ZNF22: variants seen among roughly 807,000 people sequenced by gnomAD.
The protein encoded by ZNF22 is zinc finger protein 22, also known as krox-26 protein.
Under a neutral mutation model 17.0 loss-of-function variants are expected in ZNF22, and 15 were observed. The ratio of observed to expected loss-of-function variants is 0.88; its 90% CI spans 0.59 to 1.36. ZNF22 has a LOEUF of 1.36. Among genes scored for constraint, ZNF22 ranks in the 40% most tolerant of loss-of-function variants. ZNF22 has a pLI of 0.00. For synonymous variants in ZNF22, 84 were observed against 90.7 expected, an observed-to-expected ratio of 0.93 and a Z score of 0.42; for missense variants, 272 against 276.1, an observed-to-expected ratio of 0.98 and a Z score of 0.11.
At chr10:45,003,234 A>C in intron 1 of ZNF22, 46 bp from the exon 2 acceptor site, 1 of 729,106 alleles carries the variant, frequency 1.4e-6, no homozygotes, top group Non-Finnish European at 2.1e-6. Flanking sequence ...GATATCTGTA[A>C]TTTTTTTTCT....
At position 45,003,150 on chromosome 10, in the gene ZNF22, A is replaced by G. The variant is rs189933160; in HGVS notation, c.-89-130A>G. On this transcript the variant is annotated intron_variant, in intron 1 of 1. Transcript: ENST00000298299. ...TTCCCCCCATATTATCTTTGTTTGC[A>G]TTTATACTTTTTAAATTTAAACATG... The G allele has an allele frequency of 3.3e-3, 1,358 of 415,374 alleles. 14 individuals carry two copies. The highest frequency in any genetic ancestry group is 0.023 in the African/African-American group (1,122 of 48,674). The allele number at this position is 415,374 out of a possible 1,614,324, so 25.7% of individuals were successfully genotyped here. A position where few individuals can be genotyped will look rare whatever the true frequency, so the allele number is the denominator to read the frequency against.
intron 1 of ZNF22, chr10:45,002,082 A>G (rs1842338427): frequency 6.6e-6 from 1 of 152,222 alleles, no homozygotes; most frequent in Non-Finnish European, 1.5e-5. Context: ...CTGGACCTAA[A>G]GTCTCAATTA....
Position 45,004,260 on chromosome 10 carries a change from A to G in ZNF22, c.*217A>G, listed in dbSNP as rs185346596. ...CTCATTTCTTTTTTATGTGACATGG[A>G]GCACAAAGAACTGAAAATATGTTTT... On this transcript the variant is annotated 3_prime_UTR_variant, in exon 2 of 2. Coordinates refer to ENST00000298299, the MANE Select transcript of ZNF22 (RefSeq NM_006963.5). 16 of 489,096 alleles carry G rather than the reference A, an allele frequency of 3.3e-5. No individual in the cohort carries two copies. The highest frequency in any genetic ancestry group is 7.7e-5 in the Admixed American group (2 of 25,916). 30.3% of individuals were successfully genotyped at this position (489,096 alleles called of 1,614,324 possible).
Position 45,003,356 on chromosome 10 carries a change from T to C in ZNF22, c.-13T>C. On this transcript the variant is annotated 5_prime_UTR_variant, in exon 2 of 2. Transcript: ENST00000298299. ...CCTGTAAACTCTCTTACAAATACAT[T>C]TGGTTATTCACCATGAGGTTAGCAA... is the stretch of plus-strand genomic sequence containing the variant. 1 of 1,570,382 alleles carries C rather than the reference T, an allele frequency of 6.4e-7. No individual in the cohort carries two copies. Among genetic ancestry groups the C allele is most frequent in the South Asian group, 1.2e-5 (1 of 84,422 alleles).
intron 1 of ZNF22, among the ~76,000 whole-genome samples, chr10:45,001,667 T>C (rs780988714): frequency 7.9e-5 from 12 of 152,172 alleles, no homozygotes; most frequent in Non-Finnish European, 1.6e-4. Context: ...CCTTCTAGCA[T>C]TGTGCCCTCG....
In ZNF22 at chr10:45,000,932, G is replaced by A; in HGVS notation, c.-136G>A. ...GCGCGGCGAGGCCCTCACTTCCGGCGGCGCGGGAGGCGCCCAGCGAGCCAG... is the reference window on the plus strand; with the variant it reads ...GCGCGGCGAGGCCCTCACTTCCGGCAGCGCGGGAGGCGCCCAGCGAGCCAG... On this transcript the variant is annotated 5_prime_UTR_variant, in exon 1 of 2. Transcript: ENST00000298299. 2 of 1,091,208 alleles carry A rather than the reference G, an allele frequency of 1.8e-6. No homozygotes were observed. Among genetic ancestry groups the A allele is most frequent in the South Asian group, 1.8e-5 (1 of 55,674 alleles). 67.6% of individuals were successfully genotyped at this position (1,091,208 alleles called of 1,614,324 possible).
chr10:45,002,408 A>C (rs2132821321), intron 1 of ZNF22: 1 of 152,330 alleles, frequency 6.6e-6, no homozygotes, highest in Non-Finnish European at 1.5e-5. Flanking sequence ...GGTATTCTAA[A>C]AATTCCATCC....
At chr10:45,002,174 C>T (rs913063545) in intron 1 of ZNF22, 1 of 152,062 alleles carries the variant, frequency 6.6e-6, no homozygotes, top group African/African-American at 2.4e-5. Context: ...GCAAAGAAAC[C>T]CAGAATAATT....
Position 45,000,973 on chromosome 10 carries a change from C to A in ZNF22, c.-95C>A. The stretch of plus-strand genomic sequence containing the variant: ...AGCGAGCCAGAGTGGTGGCTGGTCC[C>A]GCGCGGTGAGTGGGATTGGGGCACT... On this transcript the variant is annotated 5_prime_UTR_variant, in exon 1 of 2. Transcript: ENST00000298299. 1.2e-6 allele frequency: 1 copy of A among 824,316 alleles called. No individual in the cohort carries two copies. Among genetic ancestry groups the A allele is most frequent in the Non-Finnish European group, 1.6e-6 (1 of 633,062 alleles). 51.1% of individuals were successfully genotyped at this position (824,316 alleles called of 1,614,324 possible).
intron 1 of ZNF22, among the ~76,000 whole-genome samples, chr10:45,001,696 G>A (rs1842334568): frequency 6.6e-6 from 1 of 152,094 alleles, no homozygotes; most frequent in Non-Finnish European, 1.5e-5. Context: ...ACTTAAAACG[G>A]AAATAACTGC....
At position 45,004,685 on chromosome 10, in the gene ZNF22, T is replaced by A. The variant is rs1282959699; in HGVS notation, c.*642T>A. On this transcript the variant is annotated 3_prime_UTR_variant, in exon 2 of 2. Coordinates refer to ENST00000298299, the MANE Select transcript of ZNF22 (RefSeq NM_006963.5). Reference sequence around the variant, plus strand: ...GAGTAAGGATTTCCCTTTTTTTGTTTTGTTTGTTTTGTTTTTTTTAACCAA... The same window carrying A: ...GAGTAAGGATTTCCCTTTTTTTGTTATGTTTGTTTTGTTTTTTTTAACCAA... 1 of 166,698 alleles carries A rather than the reference T, an allele frequency of 6.0e-6. No homozygotes were observed. Among genetic ancestry groups the A allele is most frequent in the Non-Finnish European group, 1.5e-5 (1 of 68,148 alleles). The allele number at this position is 166,698 out of a possible 1,614,324, so 10.3% of individuals were successfully genotyped here.
rs760318834 is a variant in ZNF22 at position 45,004,092 on chromosome 10, AAG to A, written c.*50_*51del. On this transcript the variant is annotated 3_prime_UTR_variant, in exon 2 of 2. Transcript: ENST00000298299. ...TTGAGACCTCTTAAGAAAAAATAAAAAGTAAAAAATGAAAGGAATCTTTTTTA... is the reference window on the plus strand; with the variant it reads ...TTGAGACCTCTTAAGAAAAAATAAAATAAAAAATGAAAGGAATCTTTTTTA... 1 of 1,518,238 alleles carries A rather than the reference AAG, an allele frequency of 6.6e-7. No individual in the cohort carries two copies. The highest frequency in any genetic ancestry group is 1.3e-5 in the South Asian group (1 of 75,206). The allele number at this position is 1,518,238 out of a possible 1,614,324, so 94.0% of individuals were successfully genotyped here. A position where few individuals can be genotyped will look rare whatever the true frequency, so the allele number is the denominator to read the frequency against.
intron 1 of ZNF22, among the ~76,000 whole-genome samples, chr10:45,001,196 T>A (rs1458021622): frequency 6.7e-6 from 1 of 149,358 alleles, no homozygotes; most frequent in Non-Finnish European, 1.5e-5. Context: ...GCCGGGTCAA[T>A]GAGGAGCGGC....
chr10:45,002,024 C>T (rs1842337970), intron 1 of ZNF22, among the ~76,000 whole-genome samples: 1 of 152,198 alleles, frequency 6.6e-6, no homozygotes, highest in African/African-American at 2.4e-5. Context: ...TACTCTTACG[C>T]TGACCATAAT....
At position 45,003,891 on chromosome 10, in the gene ZNF22, T is replaced by C. The variant is rs1842353561; in HGVS notation, c.523T>C (p.Cys175Arg). 6.2e-7 allele frequency: 1 copy of C among 1,614,062 alleles called. No homozygotes were observed. Among genetic ancestry groups the C allele is most frequent in the African/African-American group, 1.3e-5 (1 of 74,984 alleles). Residue 175 changes from cysteine to arginine, a missense_variant, in exon 2 of 2, where the codon TGT becomes CGT. By Grantham distance (180) the Cys-to-Arg change is radical (BLOSUM62 -3). Transcript: ENST00000298299. ...KPYQCSECGK[C>R]FSQSSHLRQH... is the part of the protein sequence containing the mutation. The stretch of plus-strand genomic sequence containing the variant: ...CTACCAGTGCAGTGAATGTGGCAAA[T>C]GTTTCAGTCAGAGCTCTCATCTGAG...
chr10:45,002,825 T>A (rs1842345080), intron 1 of ZNF22: 2 of 152,512 alleles, frequency 1.3e-5, no homozygotes, highest in Admixed American at 6.5e-5. Flanking sequence ...TACTAGTTAG[T>A]AGAAGTTTAA....
In ZNF22 at chr10:45,003,403, G is replaced by T; in HGVS notation, c.35G>T (p.Arg12Leu). 1 of 1,610,364 alleles carries T rather than the reference G, an allele frequency of 6.2e-7. No individual in the cohort carries two copies. The highest frequency in any genetic ancestry group is 1.1e-5 in the South Asian group (1 of 90,596). Reference sequence around the variant, plus strand: ...GCAAAGCCTAAAGCGGGTATTTCTCGGAGCTCAAGCCAAGGAAAGGCCTAT... The same window carrying T: ...GCAAAGCCTAAAGCGGGTATTTCTCTGAGCTCAAGCCAAGGAAAGGCCTAT... ...RLAKPKAGIS[R>L]SSSQGKAYEN... is the part of the protein sequence containing the mutation. Residue 12 changes from arginine to leucine, a missense_variant, in exon 2 of 2, where the codon CGG (arginine) becomes CTG (leucine). Arg to Leu is a moderately radical substitution (Grantham distance 102, BLOSUM62 -2). Coordinates refer to ENST00000298299, the MANE Select transcript of ZNF22 (RefSeq NM_006963.5).
Position 45,003,959 on chromosome 10 carries a change from C to G in ZNF22, c.591C>G (p.Thr197=), listed in dbSNP as rs139360704. 20 of 1,614,062 alleles carry G rather than the reference C, an allele frequency of 1.2e-5. No homozygotes were observed. In the Admixed American group the frequency reaches 1.5e-4, roughly 12 times the overall value. ...KVHKEEKPRK[T]RGKNIRVKTH... is the part of the protein sequence containing the mutation. ...ATAAAGAAGAGAAGCCTCGTAAAAC[C>G]CGGGGCAAAAATATCAGGGTGAAGA... The change falls in exon 2 of 2, where the codon ACC becomes ACG. Residue 197 remains threonine, a synonymous_variant. Transcript: ENST00000298299.
Position 45,005,029 on chromosome 10 carries a change from C to T in ZNF22, c.*986C>T, listed in dbSNP as rs1842363030. 1 of 166,974 alleles carries T rather than the reference C, an allele frequency of 6.0e-6. No individual in the cohort carries two copies. The highest frequency in any genetic ancestry group is 1.5e-5 in the Non-Finnish European group (1 of 68,124). 10.3% of individuals were successfully genotyped at this position (166,974 alleles called of 1,614,324 possible). On this transcript the variant is annotated 3_prime_UTR_variant, in exon 2 of 2. Coordinates refer to ENST00000298299, the MANE Select transcript of ZNF22 (RefSeq NM_006963.5). ...TTCAAGACTGTGAGCTTTGGATAGC[C>T]CTGCTTAAATGTTTGTCAACAACAA...
Sources: allele counts gnomAD v4.1 joint callset (sites outside exome capture counted in the v4.1 genomes callset), GRCh38; gene constraint gnomAD v4.1.1; transcripts MANE v1.5; gene names NCBI Gene and HGNC (gene_info 2026-07-23, HGNC 2026-07-21).